Variants in GTF2E2 observed in about 807,000 individuals in gnomAD.
The protein encoded by GTF2E2 is general transcription factor IIE subunit 2, also known as transcription initiation factor IIE subunit beta.
GTF2E2 carries 21 observed loss-of-function variants against 40.5 expected under a neutral mutation model. That is an observed-to-expected ratio of 0.52 (90% CI 0.37 to 0.75). GTF2E2 has a LOEUF of 0.75. Ranked by LOEUF, GTF2E2 falls within the 30% of genes least tolerant of loss-of-function variation. GTF2E2 has a pLI of 0.00. For missense variants in GTF2E2, 298 were observed against 338.4 expected (o/e 0.88, Z 0.94); for synonymous variants, 117 against 121.6 (o/e 0.96, Z 0.25).
chr8:30,606,723 T>C (rs1427649949), intron 6 of GTF2E2, among the ~76,000 whole-genome samples: 11 of 152,210 alleles, frequency 7.2e-5, no homozygotes, highest in Non-Finnish European at 1.5e-5. Flanking sequence ...TTTCCCATCC[T>C]GTATCAAGCT....
chr8:30,618,291 C>CG (rs1253734700), intron 3 of GTF2E2, among the ~76,000 whole-genome samples: 4 of 20,684 alleles, frequency 1.9e-4, no homozygotes, highest in Non-Finnish European at 3.3e-4. Context: ...TCTCGGGGGG[C>CG]GGGGGGGAGT....
chr8:30,629,128 T>C (rs1418610824), intron 3 of GTF2E2, among the ~76,000 whole-genome samples: 1 of 152,158 alleles, frequency 6.6e-6, no homozygotes, highest in East Asian at 1.9e-4. Context: ...TTTGAACAGA[T>C]TAAATTGGTT....
chr8:30,627,291 G>A (rs1053980336), intron 3 of GTF2E2, among the ~76,000 whole-genome samples: 1 of 151,732 alleles, frequency 6.6e-6, no homozygotes, highest in African/African-American at 2.4e-5. Context: ...AAAAATTTTT[G>A]TGCTGCAAAA....
chr8:30,609,048 C>G, intron 5 of GTF2E2, among the ~76,000 whole-genome samples: 1 of 152,166 alleles, frequency 6.6e-6, no homozygotes, highest in Admixed American at 6.5e-5. Context: ...TGCACTCGGC[C>G]GAGGTCAGGA....
intron 4 of GTF2E2, 34 bp downstream of exon 4, chr8:30,614,574 G>T (rs1199094024): frequency 1.7e-6 from 2 of 1,165,732 alleles, no homozygotes; most frequent in Admixed American, 1.8e-5. Flanking sequence ...TCTAGTTACA[G>T]GAAATCTCTC....
chr8:30,579,798 C>T (rs943414040), intron 7 of GTF2E2, among the ~76,000 whole-genome samples: 1 of 152,228 alleles, frequency 6.6e-6, no homozygotes, highest in African/African-American at 2.4e-5. Context: ...TAATTACTAA[C>T]ATCCCCTGTG....
chr8:30,630,989 T>C (rs1476207583), intron 3 of GTF2E2, among the ~76,000 whole-genome samples: 2 of 152,058 alleles, frequency 1.3e-5, no homozygotes, highest in African/African-American at 4.8e-5. Flanking sequence ...CAGAGAACAC[T>C]GGTTAAAAAA....
At chr8:30,651,395 T>C (rs1802271893) in intron 2 of GTF2E2, among the ~76,000 whole-genome samples, 1 of 151,978 alleles carries the variant, frequency 6.6e-6, no homozygotes, top group Admixed American at 6.6e-5. Flanking sequence ...TTCTATATAC[T>C]AGCAATGAAC....
At chr8:30,590,440 G>A (rs906615825) in intron 6 of GTF2E2, among the ~76,000 whole-genome samples, 9 of 152,294 alleles carry the variant, frequency 5.9e-5, no homozygotes, top group Middle Eastern at 3.4e-3. Context: ...CCAAGAGTGG[G>A]ATGGCTGGGT....
chr8:30,639,408 C>T (rs1368259256), intron 2 of GTF2E2, among the ~76,000 whole-genome samples: 1 of 152,052 alleles, frequency 6.6e-6, no homozygotes, highest in Admixed American at 6.6e-5. Context: ...ATTTATCACA[C>T]CATTTAAATA....
chr8:30,606,507 CTTGT>C (rs775224002), intron 6 of GTF2E2, among the ~76,000 whole-genome samples: 1 of 152,270 alleles, frequency 6.6e-6, no homozygotes, highest in South Asian at 2.1e-4. Flanking sequence ...TCACTAAACC[CTTGT>C]TTAATGACAA....
Position 30,578,882 on chromosome 8 carries a change from T to C in GTF2E2, c.*39A>G, listed in dbSNP as rs771778104. Reference sequence around the variant, plus strand: ...CGAGCATCAGCAAGAACACTCTTGATTGTGTATCTGTAACTCTGTTCCAGG... The same window carrying C: ...CGAGCATCAGCAAGAACACTCTTGACTGTGTATCTGTAACTCTGTTCCAGG... On this transcript the variant is annotated 3_prime_UTR_variant, in exon 8 of 8. Coordinates refer to ENST00000355904, the MANE Select transcript of GTF2E2 (RefSeq NM_002095.6). 1.7e-5 allele frequency: 16 copies of C among 967,038 alleles called. No homozygotes were observed. The highest frequency in any genetic ancestry group is 8.0e-5 in the African/African-American group (5 of 62,606). 59.9% of individuals were successfully genotyped at this position (967,038 alleles called of 1,614,324 possible). A position where few individuals can be genotyped will look rare whatever the true frequency, so the allele number is the denominator to read the frequency against.
At chr8:30,583,103 G>A (rs371964001) in intron 6 of GTF2E2, among the ~76,000 whole-genome samples, 29 of 152,292 alleles carry the variant, frequency 1.9e-4, no homozygotes, top group Middle Eastern at 3.4e-3. Context: ...GGAGGCCGAG[G>A]AGGGTGGATC....
At chr8:30,647,026 G>A (rs1273190151) in intron 2 of GTF2E2, among the ~76,000 whole-genome samples, 2 of 119,566 alleles carry the variant, frequency 1.7e-5, no homozygotes, top group African/African-American at 6.3e-5. Flanking sequence ...AGTCTGGCAA[G>A]ATAGACAAGT....
chr8:30,624,504 T>A (rs572659947), intron 3 of GTF2E2, among the ~76,000 whole-genome samples: 1 of 152,308 alleles, frequency 6.6e-6, no homozygotes, highest in East Asian at 1.9e-4. Flanking sequence ...GGCTCTTTTT[T>A]GGTTCCATAT....
intron 2 of GTF2E2, chr8:30,644,611 C>T (rs1278260870): frequency 1.3e-5 from 2 of 152,096 alleles, no homozygotes; most frequent in African/African-American, 4.8e-5. Context: ...AAAGCTTTTC[C>T]AGGGGCAGTT....
intron 3 of GTF2E2, among the ~76,000 whole-genome samples, chr8:30,617,752 A>C (rs1395435383): frequency 1.2e-5 from 1 of 82,818 alleles, no homozygotes; most frequent in East Asian, 3.9e-4. Context: ...ATCTTGTCTC[A>C]AAAAAAAAAA....
At position 30,658,164 on chromosome 8, in the gene GTF2E2, C is replaced by T; in HGVS notation, c.-196G>A. The T allele has an allele frequency of 1.0e-5, 2 of 194,310 alleles. No homozygotes were observed. The highest frequency in any genetic ancestry group is 2.1e-5 in the Non-Finnish European group (2 of 95,838). The allele number at this position is 194,310 out of a possible 1,614,324, so 12.0% of individuals were successfully genotyped here. ...GCGGTGGCGGCGGCGGCGGCGGCAGCGGCGGTAGCTGAGGCGGCGACTGGA... is the reference window on the plus strand; with the variant it reads ...GCGGTGGCGGCGGCGGCGGCGGCAGTGGCGGTAGCTGAGGCGGCGACTGGA... On this transcript the variant is annotated 5_prime_UTR_variant, in exon 1 of 8. Coordinates refer to ENST00000355904, the MANE Select transcript of GTF2E2 (RefSeq NM_002095.6).
chr8:30,599,172 T>C (rs1340236827), intron 6 of GTF2E2, among the ~76,000 whole-genome samples: 4 of 152,204 alleles, frequency 2.6e-5, no homozygotes, highest in African/African-American at 9.7e-5. Flanking sequence ...GGTAAGGCAT[T>C]AGTATTTTCA....
Sources: gnomAD v4.1 joint callset for allele counts (sites outside exome capture counted in the v4.1 genomes callset) on GRCh38, gnomAD v4.1.1 for gene constraint, MANE v1.5 for transcripts, NCBI Gene and HGNC (gene_info 2026-07-23, HGNC 2026-07-21) for gene names.